ALK: variants seen among roughly 807,000 people sequenced by gnomAD.
The protein encoded by ALK is ALK receptor tyrosine kinase, also known as ALK tyrosine kinase receptor.
In ALK, 74 loss-of-function variants were observed where a neutral mutation model predicts 163.1. That is an observed-to-expected ratio of 0.45 (90% CI 0.38 to 0.55). The LOEUF (loss-of-function observed/expected upper bound fraction) is 0.55, where lower values mean the gene tolerates loss of function less well. Among genes scored for constraint, ALK ranks in the 20% least tolerant of loss-of-function variants. The probability of loss-of-function intolerance (pLI) is 0.00; values close to 1 mark genes in which losing one functional copy is unlikely to be tolerated. For missense variants in ALK, 2,063 were observed against 2,105.3 expected, an observed-to-expected ratio of 0.98 and a Z score of 0.39; for synonymous variants, 960 against 843.2, an observed-to-expected ratio of 1.14 and a Z score of -2.40.
chr2:29,559,679 G>T (rs541697083), intron 3 of ALK, among the ~76,000 whole-genome samples: 71 of 127,382 alleles, frequency 5.6e-4, no homozygotes, highest in African/African-American at 1.7e-3. Context: ...TTCTGTAAAG[G>T]CAAATGAATA....
rs553687317 is a variant in ALK, at chr2:29,758,571, T to A, written c.668-40874A>T. Among the ~76,000 whole-genome samples, 139 of 152,242 alleles carry A rather than the reference T, an allele frequency of 9.1e-4. 1 individual carries two copies. Among genetic ancestry groups the A allele is most frequent in the South Asian group, 4.2e-4 (2 of 4,818 alleles). ...AAGTTCCCTTGGCCTACTTTCTGGA[T>A]CTCATCCCTTTCTGCATTGAATACA... On this transcript the variant is annotated intron_variant, in intron 1 of 28. Coordinates refer to ENST00000389048, the MANE Select transcript of ALK (RefSeq NM_004304.5).
At chr2:29,744,468 G>A (rs1438330437) in intron 1 of ALK, among the ~76,000 whole-genome samples, 1 of 152,138 alleles carries the variant, frequency 6.6e-6, no homozygotes, top group Non-Finnish European at 1.5e-5. Flanking sequence ...GGGGCAGCTT[G>A]TCTCTGGTCA....
chr2:29,898,557 A>C (rs10199237), intron 1 of ALK, among the ~76,000 whole-genome samples: 101 of 152,334 alleles, frequency 6.6e-4, no homozygotes, highest in African/African-American at 2.3e-3. Flanking sequence ...CCTGTAAAAT[A>C]ATCCTTTTTC....
intron 1 of ALK, among the ~76,000 whole-genome samples, chr2:29,825,115 G>T (rs182032394): frequency 8.1e-4 from 123 of 152,328 alleles, no homozygotes; most frequent in East Asian, 1.3e-3. Flanking sequence ...TGCCATCCAT[G>T]TAAGAAGTGA....
chr2:29,364,552 C>T lies in ALK; in HGVS notation c.1282+19180G>A, dbSNP rs1049630851. Among the ~76,000 whole-genome samples, 131 of 152,296 alleles carry T rather than the reference C, an allele frequency of 8.6e-4. 1 individual carries two copies. The highest frequency in any genetic ancestry group is 1.4e-3 in the Non-Finnish European group (96 of 68,022). Reference sequence around the variant, plus strand: ...GCCAACTATCCTTCCTTACATACATCCTGGATTTCACTATCAAGAAAACTG... The same window carrying T: ...GCCAACTATCCTTCCTTACATACATTCTGGATTTCACTATCAAGAAAACTG... On this transcript the variant is annotated intron_variant, in intron 5 of 28. Coordinates refer to ENST00000389048, the MANE Select transcript of ALK (RefSeq NM_004304.5).
At chr2:29,896,501 G>A (rs771405514) in intron 1 of ALK, among the ~76,000 whole-genome samples, 20 of 152,186 alleles carry the variant, frequency 1.3e-4, no homozygotes, top group Non-Finnish European at 2.6e-4. Flanking sequence ...AAGAGGAAGA[G>A]ACAAAGAGAA....
At chr2:29,240,243 T>C (rs190019338) in intron 12 of ALK, among the ~76,000 whole-genome samples, 67 of 151,826 alleles carry the variant, frequency 4.4e-4, no homozygotes, top group Non-Finnish European at 8.1e-4. Flanking sequence ...GATTTCCTCA[T>C]TATGGTTTTC....
intron 4 of ALK, among the ~76,000 whole-genome samples, chr2:29,530,505 G>A (rs1164296399): frequency 6.6e-6 from 1 of 152,220 alleles, no homozygotes; most frequent in East Asian, 1.9e-4. Context: ...GAAGCCTCAA[G>A]CAGCACTCCC....
intron 1 of ALK, among the ~76,000 whole-genome samples, chr2:29,886,132 T>C (rs893593106): frequency 3.3e-5 from 5 of 152,228 alleles, no homozygotes; most frequent in Non-Finnish European, 7.3e-5. Context: ...TTCTCTTTTT[T>C]ATAGTTGTGT....
At chr2:29,534,503 A>G (rs550055756) in intron 3 of ALK, among the ~76,000 whole-genome samples, 8 of 152,282 alleles carry the variant, frequency 5.3e-5, no homozygotes, top group East Asian at 3.9e-4. Flanking sequence ...CCCATGTCCA[A>G]TAATAATTTA....
chr2:29,878,427 G>C (rs1349947953), intron 1 of ALK, among the ~76,000 whole-genome samples: 1 of 152,174 alleles, frequency 6.6e-6, no homozygotes, highest in Non-Finnish European at 1.5e-5. Context: ...TATAGATTGA[G>C]AAACTGAGGC....
intron 5 of ALK, among the ~76,000 whole-genome samples, chr2:29,366,978 T>C (rs1252012238): frequency 1.3e-5 from 2 of 152,218 alleles, no homozygotes; most frequent in East Asian, 3.9e-4. Context: ...CCAGCTGGTC[T>C]GGCTTTTCTT....
At chr2:29,379,371 A>G (rs1346545606) in intron 5 of ALK, among the ~76,000 whole-genome samples, 1 of 152,176 alleles carries the variant, frequency 6.6e-6, no homozygotes, top group Non-Finnish European at 1.5e-5. Flanking sequence ...TTATCAATTG[A>G]TTGATTAACC....
chr2:29,672,092 C>A (rs1228218829), intron 3 of ALK, among the ~76,000 whole-genome samples: 1 of 137,484 alleles, frequency 7.3e-6, no homozygotes, highest in African/African-American at 2.7e-5. Flanking sequence ...TCTCAGATGT[C>A]TTTTATTTAG....
chr2:29,896,921 T>C (rs2148428380), intron 1 of ALK, among the ~76,000 whole-genome samples: 1 of 152,348 alleles, frequency 6.6e-6, no homozygotes, highest in Non-Finnish European at 1.5e-5. Flanking sequence ...TTAACACAGG[T>C]TACCTCTAGT....
chr2:29,454,577 G>C (rs1670902622), intron 4 of ALK, among the ~76,000 whole-genome samples: 1 of 152,072 alleles, frequency 6.6e-6, no homozygotes, highest in South Asian at 2.1e-4. Context: ...GAGACAAGAA[G>C]GGCTCAAAAT....
chr2:29,745,002 A>C (rs1680171594), intron 1 of ALK, among the ~76,000 whole-genome samples: 1 of 152,136 alleles, frequency 6.6e-6, no homozygotes, highest in Non-Finnish European at 1.5e-5. Flanking sequence ...ACCTGTTTTA[A>C]AGCCACCACG....
chr2:29,534,421 G>C (rs139019588), intron 3 of ALK, among the ~76,000 whole-genome samples: 1 of 152,190 alleles, frequency 6.6e-6, no homozygotes, highest in Admixed American at 6.5e-5. Context: ...GAGGACCCTG[G>C]AAGTATCTCT....
At position 29,225,531 on chromosome 2, in the gene ALK, C is replaced by A. The variant is rs138771319; in HGVS notation, c.3102G>T (p.Ser1034=). 1 of 1,613,248 alleles carries A rather than the reference C, an allele frequency of 6.2e-7. No individual in the cohort carries two copies. The highest frequency in any genetic ancestry group is 1.1e-5 in the South Asian group (1 of 90,598). The change falls in exon 19 of 29, where the codon TCG becomes TCT. Residue 1034 remains serine (S), a synonymous_variant. Coordinates refer to ENST00000389048, the MANE Select transcript of ALK (RefSeq NM_004304.5). ...CAGAGGTCACCACAGAGAGGATCAG[C>A]GAGAGTGGCAGGTGTGGCTCCGGGG... is the stretch of plus-strand genomic sequence containing the variant. ...SPTPEPHLPL[S]LILSVVTSAL...
Sources: allele counts gnomAD v4.1 joint callset (sites outside exome capture counted in the v4.1 genomes callset), GRCh38; gene constraint gnomAD v4.1.1; transcripts MANE v1.5; gene names NCBI Gene and HGNC (gene_info 2026-07-23, HGNC 2026-07-21).